OVCH1: variants seen among roughly 807,000 people sequenced by gnomAD.
The protein encoded by OVCH1 is ovochymase 1.
Under a neutral mutation model 138.4 loss-of-function variants are expected in OVCH1, and 139 were observed. The observed-to-expected ratio is 1.00, with a 90% CI of 0.87 to 1.16. The LOEUF (loss-of-function observed/expected upper bound fraction) is 1.16, where lower values mean the gene tolerates loss of function less well. Among genes scored for constraint, OVCH1 ranks in the 50% most tolerant of loss-of-function variants. OVCH1 has a pLI of 0.00. For missense variants in OVCH1, 1,367 were observed against 1,357.9 expected, an observed-to-expected ratio of 1.01 and a Z score of -0.11; for synonymous variants, 453 against 467.8, an observed-to-expected ratio of 0.97 and a Z score of 0.41.
chr12:29,491,965 G>C (rs1565615183), intron 4 of OVCH1, among the ~76,000 whole-genome samples: 1 of 152,144 alleles, frequency 6.6e-6, no homozygotes, highest in East Asian at 1.9e-4. Flanking sequence ...TCTCTGTCTT[G>C]GTAGAACCTC....
chr12:29,493,800 A>G (rs938258573), intron 4 of OVCH1, among the ~76,000 whole-genome samples: 11 of 152,122 alleles, frequency 7.2e-5, no homozygotes. Context: ...GAAATTTGTA[A>G]CCTTTGAAGG....
At chr12:29,415,045 G>A (rs568148680) in intron 3 of OVCH1, among the ~76,000 whole-genome samples, 8 of 152,152 alleles carry the variant, frequency 5.3e-5, no homozygotes, top group Non-Finnish European at 1.0e-4. Flanking sequence ...TTACAGGTGG[G>A]AAGTGTCTTG....
intron 25 of OVCH1, among the ~76,000 whole-genome samples, chr12:29,441,953 A>G (rs1321736847): frequency 6.6e-6 from 1 of 152,158 alleles, no homozygotes; most frequent in Non-Finnish European, 1.5e-5. Flanking sequence ...AATGGCGATC[A>G]TTAAAAAGTC....
downstream of OVCH1, among the ~76,000 whole-genome samples, chr12:29,408,929 A>G (rs1026322194): frequency 1.4e-4 from 22 of 152,278 alleles, no homozygotes; most frequent in Middle Eastern, 3.4e-3. Context: ...CTGTGAATCC[A>G]TCTGGTCCTG....
chr12:29,443,579 C>T, intron 24 of OVCH1, 79 bp from the exon 25 acceptor site: 1 of 1,368,752 alleles, frequency 7.3e-7, no homozygotes, highest in Non-Finnish European at 9.8e-7. Context: ...GAAATTAATG[C>T]ATCAATGTTA....
At chr12:29,424,541 A>T (rs1328155699), downstream of OVCH1, among the ~76,000 whole-genome samples, 1 of 152,230 alleles carries the variant, frequency 6.6e-6, no homozygotes, top group Non-Finnish European at 1.5e-5. Flanking sequence ...AGAAAAACAG[A>T]GAGGTGTAGG....
chr12:29,443,050 T>A, intron 25 of OVCH1, among the ~76,000 whole-genome samples: 1 of 152,140 alleles, frequency 6.6e-6, no homozygotes. Flanking sequence ...ATTAATTTTA[T>A]AGTCTTAATT....
intron 21 of OVCH1, among the ~76,000 whole-genome samples, chr12:29,452,668 C>T (rs999993935): frequency 6.6e-6 from 1 of 152,168 alleles, no homozygotes; most frequent in Non-Finnish European, 1.5e-5. Flanking sequence ...TTTTCTCCCT[C>T]TCTATATGAA....
At chr12:29,484,076 C>T (rs890912631) in intron 8 of OVCH1, among the ~76,000 whole-genome samples, 4 of 152,062 alleles carry the variant, frequency 2.6e-5, no homozygotes, top group South Asian at 2.1e-4. Context: ...AGTCTCAGTA[C>T]GATTTTAAAA....
At chr12:29,475,420 C>T (rs954022429) in intron 13 of OVCH1, among the ~76,000 whole-genome samples, 4 of 151,856 alleles carry the variant, frequency 2.6e-5, no homozygotes, top group Admixed American at 6.6e-5. Flanking sequence ...ATTTCCAGTA[C>T]GCCCGGAAAC....
chr12:29,448,947 C>T (rs1262226043), intron 22 of OVCH1, among the ~76,000 whole-genome samples: 1 of 151,972 alleles, frequency 6.6e-6, no homozygotes, highest in African/African-American at 2.4e-5. Flanking sequence ...TTTCAATCAC[C>T]TCCCACATCC....
At chr12:29,443,411 T>G (rs1228121277) in exon 25 of OVCH1, 1 of 1,612,220 alleles carries the variant, frequency 6.2e-7, no homozygotes, top group Admixed American at 1.7e-5. Context: ...CAGATGACCA[T>G]GACAGACAAA....
intron 7 of OVCH1, chr12:29,486,914 A>T (rs1943126060): frequency 2.2e-6 from 1 of 455,750 alleles, no homozygotes; most frequent in Non-Finnish European, 4.4e-6. Flanking sequence ...AATTGCTACC[A>T]GAAGAGAACT....
chr12:29,476,755 G>GCGCGCGCGCGCA (rs1264497944), intron 12 of OVCH1, among the ~76,000 whole-genome samples: 6 of 103,422 alleles, frequency 5.8e-5, no homozygotes, highest in African/African-American at 2.3e-4. Context: ...ACACACGCGC[G>GCGCGCGCGCGCA]CACACACACA....
At chr12:29,421,372 T>C (rs946280579) in intron 3 of OVCH1, among the ~76,000 whole-genome samples, 3 of 152,216 alleles carry the variant, frequency 2.0e-5, no homozygotes, top group Non-Finnish European at 4.4e-5. Context: ...AATTTCAGAA[T>C]GGAGGCATTT....
chr12:29,463,299 G>A (rs993230305), intron 18 of OVCH1, among the ~76,000 whole-genome samples: 7 of 152,180 alleles, frequency 4.6e-5, no homozygotes, highest in Non-Finnish European at 1.0e-4. Context: ...TGTGGGCCAC[G>A]AAAGGAAGTG....
At chr12:29,405,046 A>C in the OVCH1 span, among the ~76,000 whole-genome samples, 13 of 150,108 alleles carry the variant, frequency 8.7e-5, no homozygotes, top group African/African-American at 1.7e-4. Flanking sequence ...AAAAAAAAAA[A>C]AAAAAAAAAA....
chr12:29,466,240 G>A (rs542465922), intron 16 of OVCH1, among the ~76,000 whole-genome samples: 1 of 151,906 alleles, frequency 6.6e-6, no homozygotes, highest in Admixed American at 6.6e-5. Flanking sequence ...AGAACTTAAA[G>A]TATAATAAAA....
At chr12:29,442,280 T>C (rs1393064563) in intron 25 of OVCH1, among the ~76,000 whole-genome samples, 1 of 151,504 alleles carries the variant, frequency 6.6e-6, no homozygotes, top group African/African-American at 2.4e-5. Flanking sequence ...CACCATGGAA[T>C]ATTATGCAGC....
Sources: gnomAD v4.1 joint callset for allele counts (sites outside exome capture counted in the v4.1 genomes callset) on GRCh38, gnomAD v4.1.1 for gene constraint, MANE v1.5 for transcripts, NCBI Gene and HGNC (gene_info 2026-07-23, HGNC 2026-07-21) for gene names.